The following CYP2U1 variants were observed in gnomAD, a reference collection of about 807,000 sequenced individuals.
The protein encoded by CYP2U1 is cytochrome P450 family 2 subfamily U member 1, also known as cytochrome P450 2U1.
In CYP2U1, 28 loss-of-function variants were observed where a neutral mutation model predicts 42.8. That is an observed-to-expected ratio of 0.65 (90% CI 0.48 to 0.90). CYP2U1 has a LOEUF of 0.90. Among genes scored for constraint, CYP2U1 ranks in the 40% least tolerant of loss-of-function variants. CYP2U1 has a pLI of 0.00. For synonymous variants in CYP2U1, 296 were observed against 278.9 expected (o/e 1.06, Z -0.61); for missense variants, 642 against 693.8 (o/e 0.93, Z 0.84).
chr4:107,948,746 C>T (rs1165111282), intron 3 of CYP2U1, among the ~76,000 whole-genome samples: 1 of 152,100 alleles, frequency 6.6e-6, no homozygotes, highest in Non-Finnish European at 1.5e-5. Flanking sequence ...GGAGTCAGCC[C>T]ATAGTATAAT....
At chr4:107,949,731 T>C (rs1733842398) in intron 4 of CYP2U1, among the ~76,000 whole-genome samples, 1 of 152,198 alleles carries the variant, frequency 6.6e-6, no homozygotes, top group Non-Finnish European at 1.5e-5. Flanking sequence ...GAAATTTTAC[T>C]TTCAGAGCTG....
intron 1 of CYP2U1, among the ~76,000 whole-genome samples, chr4:107,933,569 T>C (rs1733131566): frequency 6.6e-6 from 1 of 152,210 alleles, no homozygotes; most frequent in Admixed American, 6.5e-5. Context: ...TGTTGTGGCA[T>C]ATGTGAAAAT....
At position 107,950,573 on chromosome 4, in the gene CYP2U1, G is replaced by T. The variant is rs1038198482; in HGVS notation, c.*150G>T. 4.2e-6 allele frequency: 3 copies of T among 714,892 alleles called. No individual in the cohort carries two copies. The highest frequency in any genetic ancestry group is 1.8e-5 in the African/African-American group (1 of 55,766). The allele number at this position is 714,892 out of a possible 1,614,324, so 44.3% of individuals were successfully genotyped here. ...GAAGGAGGGTAGAGCACACTGGGAG[G>T]TTTCATCTTGGAGGATTCCTCAGCA... On this transcript the variant is annotated 3_prime_UTR_variant, in exon 5 of 5. Transcript: ENST00000332884.
intron 3 of CYP2U1, among the ~76,000 whole-genome samples, chr4:107,948,527 ACTGCACTT>A (rs1733792584): frequency 6.6e-6 from 1 of 152,140 alleles, no homozygotes; most frequent in Non-Finnish European, 1.5e-5. Context: ...AGATTGCACC[ACTGCACTT>A]CTGCACTTCA....
At chr4:107,946,635 C>T (rs1203704612) in intron 2 of CYP2U1, among the ~76,000 whole-genome samples, 2 of 152,162 alleles carry the variant, frequency 1.3e-5, no homozygotes, top group South Asian at 2.1e-4. Context: ...TTTATAAAAA[C>T]TGCCACCAGG....
At chr4:107,937,940 T>C (rs1167539988) in intron 1 of CYP2U1, 1 of 152,236 alleles carries the variant, frequency 6.6e-6, no homozygotes, top group Non-Finnish European at 1.5e-5. Flanking sequence ...GTAAAGTTCT[T>C]AGGAGCTGTA....
chr4:107,946,249 T>C (rs1425674516), intron 2 of CYP2U1, among the ~76,000 whole-genome samples: 1 of 152,188 alleles, frequency 6.6e-6, no homozygotes, highest in South Asian at 2.1e-4. Context: ...TCCATGCTGT[T>C]TCTGGCTTCC....
At chr4:107,940,108 C>T (rs1453051029) in intron 1 of CYP2U1, 1 of 148,706 alleles carries the variant, frequency 6.7e-6, no homozygotes, top group African/African-American at 2.5e-5. Flanking sequence ...TAGACAGAGT[C>T]TCACTGTGTC....
At position 107,934,176 on chromosome 4, in the gene CYP2U1, T is replaced by C. The variant is rs75375808; in HGVS notation, c.490+2043T>C. 5.4e-5 allele frequency among the ~76,000 whole-genome samples: 8 copies of C among 147,488 alleles called. No homozygotes were observed. The East Asian group carries it at 1.4e-3, about 26-fold the overall frequency. ...CTCCACGTCCTCACCAACACTTCTTTTTTTTTTTTTTTTCACACTTGCTTT... is the reference window on the plus strand; with the variant it reads ...CTCCACGTCCTCACCAACACTTCTTCTTTTTTTTTTTTTCACACTTGCTTT... On this transcript the variant is annotated intron_variant, in intron 1 of 4. Transcript: ENST00000332884.
In CYP2U1 at chr4:107,952,014, T is replaced by C. The variant is rs1055937775; in HGVS notation, c.*1591T>C. ...CTTGATCCCATAACAGGCTACCCCTTGGCCTCATGCTGGAGTTGTGTGTGT... is the reference window on the plus strand; with the variant it reads ...CTTGATCCCATAACAGGCTACCCCTCGGCCTCATGCTGGAGTTGTGTGTGT... On this transcript the variant is annotated 3_prime_UTR_variant, in exon 5 of 5. Coordinates refer to ENST00000332884, the MANE Select transcript of CYP2U1 (RefSeq NM_183075.3). The C allele has an allele frequency of 5.3e-5, 8 of 152,318 alleles. No homozygotes were observed. Among genetic ancestry groups the C allele is most frequent in the African/African-American group, 1.9e-4 (8 of 41,454 alleles). 9.4% of individuals were successfully genotyped at this position (152,318 alleles called of 1,614,324 possible).
intron 1 of CYP2U1, among the ~76,000 whole-genome samples, chr4:107,936,897 A>G (rs1733290251): frequency 6.6e-6 from 1 of 152,216 alleles, no homozygotes; most frequent in Non-Finnish European, 1.5e-5. Flanking sequence ...GTATTCCACT[A>G]AATAGAATGA....
In CYP2U1 at chr4:107,944,996, G is replaced by T. The variant is rs374109524; in HGVS notation, c.517G>T (p.Val173Phe). 6 of 1,612,676 alleles carry T rather than the reference G, an allele frequency of 3.7e-6. No individual in the cohort carries two copies. The highest frequency in any genetic ancestry group is 4.2e-6 in the Non-Finnish European group (5 of 1,179,692). Residue 173 changes from valine (V) to phenylalanine (F), a missense_variant, in exon 2 of 5, where the codon GTC (valine) becomes TTC (phenylalanine). Transcript: ENST00000332884. ...GGTTGTGTTTGCACATTATGGTCCC[G>T]TCTGGAGACAACAAAGGAAGTTCTC... is the stretch of plus-strand genomic sequence containing the variant. ...KGVVFAHYGP[V>F]WRQQRKFSHS...
chr4:107,931,986 G>A lies in CYP2U1; in HGVS notation c.343G>A (p.Gly115Ser), dbSNP rs766889023. Residue 115 changes from glycine (G) to serine (S), a missense_variant, in exon 1 of 5, where the codon GGC (glycine) becomes AGC (serine). Gly to Ser is a moderately conservative substitution (Grantham distance 56). Transcript: ENST00000332884. ...VLLAHLARVY[G>S]SIFSFFIGHY... Reference sequence around the variant, plus strand: ...CCTGGCTCACCTAGCCCGCGTGTACGGCAGCATCTTCAGCTTCTTTATCGG... The same window carrying A: ...CCTGGCTCACCTAGCCCGCGTGTACAGCAGCATCTTCAGCTTCTTTATCGG... 4.1e-5 allele frequency: 63 copies of A among 1,553,340 alleles called. No individual in the cohort carries two copies. The highest frequency in any genetic ancestry group is 5.1e-5 in the Non-Finnish European group (59 of 1,148,238).
rs771661379 is a variant in CYP2U1 at position 107,949,411 on chromosome 4, T to C, written c.1350T>C (p.His450=). 6.2e-7 allele frequency: 1 copy of C among 1,611,276 alleles called. No individual in the cohort carries two copies. Among genetic ancestry groups the C allele is most frequent in the Non-Finnish European group, 8.5e-7 (1 of 1,178,432 alleles). Residue 450 remains histidine (H), a synonymous_variant, in exon 4 of 5, where the codon CAT becomes CAC. Coordinates refer to ENST00000332884, the MANE Select transcript of CYP2U1 (RefSeq NM_183075.3). ...TLILPNLWSV[H]RDPAIWEKPE... is the part of the protein sequence containing the mutation. ...TCTTACCCAACCTGTGGTCAGTACATAGAGACCCAGCCATTTGGGAGAAAC... is the reference window on the plus strand; with the variant it reads ...TCTTACCCAACCTGTGGTCAGTACACAGAGACCCAGCCATTTGGGAGAAAC...
chr4:107,937,394 A>G (rs562859621), intron 1 of CYP2U1: 17 of 152,332 alleles, frequency 1.1e-4, no homozygotes, highest in African/African-American at 3.8e-4. Context: ...CTATGATCCT[A>G]TGGAAGAAAA....
rs960344604 is a variant in CYP2U1 at position 107,945,123 on chromosome 4, A to C, written c.644A>C (p.Glu215Ala). The change falls in exon 2 of 5, where the codon GAA becomes GCA. Residue 215 changes from glutamate (E) to alanine (A), a missense_variant. Physicochemically the swap from Glu to Ala is moderately radical, Grantham distance 107. Coordinates refer to ENST00000332884, the MANE Select transcript of CYP2U1 (RefSeq NM_183075.3). ...AAAGCAGAAATGCAAAAGCACGGAG[A>C]AGACCCCTTCTGCCCTTTCTCCATC... ...YVKAEMQKHG[E>A]DPFCPFSIIS... 2 of 1,613,816 alleles carry C rather than the reference A, an allele frequency of 1.2e-6. No individual in the cohort carries two copies. The highest frequency in any genetic ancestry group is 1.7e-5 in the Admixed American group (1 of 59,960).
chr4:107,940,888 C>T (rs1375376293), intron 1 of CYP2U1: 1 of 152,072 alleles, frequency 6.6e-6, no homozygotes, highest in East Asian at 1.9e-4. Context: ...GAGGACTAAA[C>T]TTACTGGCTA....
Position 107,945,540 on chromosome 4 carries a change from C to T in CYP2U1, c.1061C>T (p.Thr354Ile). 1 of 1,612,626 alleles carries T rather than the reference C, an allele frequency of 6.2e-7. No individual in the cohort carries two copies. The highest frequency in any genetic ancestry group is 1.1e-5 in the South Asian group (1 of 90,858). The change falls in exon 2 of 5, where the codon ACT becomes ATT. Residue 354 changes from threonine (T) to isoleucine (I), a missense_variant. Coordinates refer to ENST00000332884, the MANE Select transcript of CYP2U1 (RefSeq NM_183075.3). The stretch of plus-strand genomic sequence containing the variant: ...ATTGGGGATCTCTTTATTGCTGGGA[C>T]TGATACCACAACTAACTCTTTGCTC... ...YIIGDLFIAG[T>I]DTTTNSLLWC...
chr4:107,939,841 A>G (rs28619429), intron 1 of CYP2U1, among the ~76,000 whole-genome samples: 25,793 of 151,736 alleles, frequency 0.17, 2,391 homozygotes, highest in Non-Finnish European at 0.21. Context: ...TGGCTGGGGG[A>G]TGGGGGGTGG....
Sources: allele counts gnomAD v4.1 joint callset (sites outside exome capture counted in the v4.1 genomes callset), GRCh38; gene constraint gnomAD v4.1.1; transcripts MANE v1.5; gene names NCBI Gene and HGNC (gene_info 2026-07-23, HGNC 2026-07-21).